Variants in MSRA observed in about 807,000 individuals in gnomAD.
The protein encoded by MSRA is mitochondrial peptide methionine sulfoxide reductase.
Under a neutral mutation model 31.3 loss-of-function variants are expected in MSRA, and 54 were observed. The observed-to-expected ratio is 1.73, with a 90% CI of 1.39 to 2.17. The LOEUF (loss-of-function observed/expected upper bound fraction) is 2.17, where lower values mean the gene tolerates loss of function less well. Ranked by LOEUF, MSRA falls within the 30% of genes most tolerant of loss-of-function variation. The pLI, the probability that MSRA is intolerant of heterozygous loss-of-function variation, is 0.00. For missense variants in MSRA, 507 were observed against 300.9 expected (o/e 1.69, Z -5.07); for synonymous variants, 169 against 116.5 (o/e 1.45, Z -2.90).
chr8:10,202,215 G>C (rs1350613682), intron 1 of MSRA, among the ~76,000 whole-genome samples: 1 of 152,132 alleles, frequency 6.6e-6, no homozygotes, highest in Non-Finnish European at 1.5e-5. Flanking sequence ...AAGGATCTTT[G>C]GTTCTTTGGC....
At chr8:10,210,554 G>T (rs137954322) in intron 2 of MSRA, among the ~76,000 whole-genome samples, 100 of 152,218 alleles carry the variant, frequency 6.6e-4, no homozygotes, top group African/African-American at 2.3e-3. Context: ...GATCTCCTAC[G>T]GCTATCATGC....
chr8:10,124,053 G>A (rs1585201351), intron 1 of MSRA, among the ~76,000 whole-genome samples: 1 of 151,990 alleles, frequency 6.6e-6, no homozygotes, highest in East Asian at 2.0e-4. Context: ...GATTGCAGAG[G>A]TCGAGGGGCT....
At chr8:10,069,813 A>T (rs1472137498) in intron 1 of MSRA, among the ~76,000 whole-genome samples, 1 of 152,226 alleles carries the variant, frequency 6.6e-6, no homozygotes, top group Admixed American at 6.5e-5. Flanking sequence ...GTTCTTTATC[A>T]GGTTAAAGAA....
intron 1 of MSRA, among the ~76,000 whole-genome samples, chr8:10,114,103 G>A (rs576432078): frequency 1.3e-5 from 2 of 152,282 alleles, no homozygotes; most frequent in East Asian, 3.9e-4. Flanking sequence ...TGCTTAGCAT[G>A]GTGTTCATGG....
intron 5 of MSRA, among the ~76,000 whole-genome samples, chr8:10,366,035 G>T (rs1563398932): frequency 6.6e-6 from 1 of 152,216 alleles, no homozygotes; most frequent in Non-Finnish European, 1.5e-5. Context: ...GGACAGATAG[G>T]CAGGAAGTGA....
intron 3 of MSRA, among the ~76,000 whole-genome samples, chr8:10,293,401 C>T (rs1164183897): frequency 1.3e-5 from 2 of 152,184 alleles, no homozygotes; most frequent in Admixed American, 6.5e-5. Flanking sequence ...CTGCCGTGAC[C>T]GCTTCCTCCG....
chr8:10,259,382 A>G (rs1008386699), intron 3 of MSRA, among the ~76,000 whole-genome samples: 1 of 152,198 alleles, frequency 6.6e-6, no homozygotes, highest in African/African-American at 2.4e-5. Flanking sequence ...AGTTACAAGA[A>G]GAGTTAATTC....
At chr8:10,088,758 G>T (rs1436729385) in intron 1 of MSRA, among the ~76,000 whole-genome samples, 1 of 152,084 alleles carries the variant, frequency 6.6e-6, no homozygotes, top group African/African-American at 2.4e-5. Flanking sequence ...TCTATCAAGG[G>T]AGGAATAAGG....
intron 4 of MSRA, among the ~76,000 whole-genome samples, chr8:10,305,852 A>G (rs913368117): frequency 9.2e-5 from 14 of 152,208 alleles, no homozygotes; most frequent in Non-Finnish European, 1.8e-4. Context: ...ATGCCACTCC[A>G]CGGATTAGCC....
intron 1 of MSRA, among the ~76,000 whole-genome samples, chr8:10,156,689 C>A (rs1014858313): frequency 5.3e-5 from 8 of 151,992 alleles, no homozygotes; most frequent in Admixed American, 5.2e-4. Context: ...TCCTCCACTG[C>A]CCCTACCAGA....
chr8:10,321,798 A>C (rs988913953), intron 5 of MSRA, among the ~76,000 whole-genome samples: 1 of 152,184 alleles, frequency 6.6e-6, no homozygotes, highest in Non-Finnish European at 1.5e-5. Context: ...GTGAGCTTCG[A>C]ATCCCCTCAA....
At chr8:10,103,421 C>G (rs1376669357) in intron 1 of MSRA, among the ~76,000 whole-genome samples, 1 of 152,120 alleles carries the variant, frequency 6.6e-6, no homozygotes, top group Non-Finnish European at 1.5e-5. Flanking sequence ...AGTGAGATCC[C>G]AGTTTTGCAT....
chr8:10,330,403 G>A (rs909118212), intron 5 of MSRA, among the ~76,000 whole-genome samples: 6 of 152,130 alleles, frequency 3.9e-5, no homozygotes, highest in Non-Finnish European at 7.4e-5. Context: ...TAATTCCCCA[G>A]CAAGAGGTAT....
intron 3 of MSRA, among the ~76,000 whole-genome samples, chr8:10,254,062 A>G (rs577499318): frequency 3.2e-4 from 48 of 152,166 alleles, no homozygotes; most frequent in African/African-American, 1.1e-3. Flanking sequence ...CCTGGGAGTT[A>G]TTTACAAACC....
Position 10,111,975 on chromosome 8 carries a change from C to G in MSRA, c.142+57317C>G, listed in dbSNP as rs929401313. Among the ~76,000 whole-genome samples, 30 of 152,050 alleles carry G rather than the reference C, an allele frequency of 2.0e-4. No individual in the cohort carries two copies. The Middle Eastern group carries it at 0.01, about 52-fold the overall frequency. ...CTGATGTTGGGTTTTTGTGGCTGCT[C>G]TTGGTGAGATTTATTTACCAGAAGT... On this transcript the variant is annotated intron_variant, in intron 1 of 5. Coordinates refer to ENST00000317173, the MANE Select transcript of MSRA (RefSeq NM_012331.5).
rs76647239 is a variant in MSRA, at chr8:10,426,497, C to G, written c.544-1651C>G. ...GTCTTGGGTCTGCTTCCTGCAGAGT[C>G]CTGCGCTCATCCTCACAGCTGCGCC... On this transcript the variant is annotated intron_variant, in intron 5 of 5. Transcript: ENST00000317173. Among the ~76,000 whole-genome samples the G allele has an allele frequency of 8.6e-3, 1,315 of 152,350 alleles. 25 individuals carry two copies. Among genetic ancestry groups the G allele is most frequent in the Non-Finnish European group, 0.015 (1,004 of 68,034 alleles).
chr8:10,324,064 A>G (rs1162181307), intron 5 of MSRA, among the ~76,000 whole-genome samples: 2 of 152,166 alleles, frequency 1.3e-5, no homozygotes, highest in African/African-American at 4.8e-5. Flanking sequence ...AGAGTTTCAG[A>G]CTAGACCAGT....
intron 3 of MSRA, among the ~76,000 whole-genome samples, chr8:10,271,613 C>T (rs1039900905): frequency 4.6e-4 from 24 of 51,874 alleles, no homozygotes; most frequent in African/African-American, 1.0e-3. Context: ...CAAAAAATTC[C>T]GATTTATCAG....
intron 5 of MSRA, among the ~76,000 whole-genome samples, chr8:10,388,549 C>G (rs539050815): frequency 2.0e-5 from 3 of 152,178 alleles, no homozygotes; most frequent in African/African-American, 7.2e-5. Context: ...AAAAATCCTG[C>G]AAGATGGGAG....
Sources: allele counts gnomAD v4.1 joint callset (sites outside exome capture counted in the v4.1 genomes callset), GRCh38; gene constraint gnomAD v4.1.1; transcripts MANE v1.5; gene names NCBI Gene and HGNC (gene_info 2026-07-23, HGNC 2026-07-21).